The following ARHGAP44 variants were observed in gnomAD, a reference collection of about 807,000 sequenced individuals.
The protein encoded by ARHGAP44 is Rho GTPase activating protein 44, also known as rho GTPase-activating protein 44.
A neutral mutation model predicts 106.8 loss-of-function variants in ARHGAP44; 43 were observed. The ratio of observed to expected loss-of-function variants is 0.40; its 90% CI spans 0.32 to 0.52. The LOEUF (loss-of-function observed/expected upper bound fraction) is 0.52. ARHGAP44 is among the 20% of genes least tolerant of loss of function. ARHGAP44 has a pLI of 0.48. For missense variants in ARHGAP44, 866 were observed against 1,050.5 expected (o/e 0.82, Z 2.43); for synonymous variants, 439 against 410.3 (o/e 1.07, Z -0.85).
chr17:12,967,249 C>CTT (rs57651305), intron 16 of ARHGAP44, among the ~76,000 whole-genome samples: 19 of 93,184 alleles, frequency 2.0e-4, no homozygotes, highest in Admixed American at 3.6e-4. Flanking sequence ...ACTCTTTTTG[C>CTT]TTTTTTTTTT....
In ARHGAP44 at chr17:12,949,511, T is replaced by C; in HGVS notation, c.974-138T>C. ...TGTCAGAGCCTCATACCCATTTCCATAGGAAGCTACCATTTGCTGTTGACA... is the reference window on the plus strand; with the variant it reads ...TGTCAGAGCCTCATACCCATTTCCACAGGAAGCTACCATTTGCTGTTGACA... On this transcript the variant is annotated intron_variant, in intron 11 of 20. Coordinates refer to ENST00000379672, the MANE Select transcript of ARHGAP44 (RefSeq NM_014859.6). This position sits in a 1 kb window ranked among gnomAD's most constrained non-coding sequence, Gnocchi z 4.1. 2.5e-6 allele frequency: 2 copies of C among 803,008 alleles called. No individual in the cohort carries two copies. Among genetic ancestry groups the C allele is most frequent in the East Asian group, 2.6e-5 (1 of 38,424 alleles). 49.7% of individuals were successfully genotyped at this position (803,008 alleles called of 1,614,324 possible).
At chr17:12,935,760 T>C (rs12952110) in intron 7 of ARHGAP44, among the ~76,000 whole-genome samples, 46,462 of 151,946 alleles carry the variant, frequency 0.31, 7,534 homozygotes, top group East Asian at 0.54. Flanking sequence ...GGTGAGCCAA[T>C]GATGTAGAGA....
At chr17:12,831,053 CAG>C (rs1277424597) in intron 1 of ARHGAP44, among the ~76,000 whole-genome samples, 1 of 152,180 alleles carries the variant, frequency 6.6e-6, no homozygotes, top group African/African-American at 2.4e-5. Flanking sequence ...TGAACCCTAA[CAG>C]AAGTTTATTC....
At chr17:12,910,486 T>G (rs1206091282) in intron 4 of ARHGAP44, among the ~76,000 whole-genome samples, 3 of 135,718 alleles carry the variant, frequency 2.2e-5, no homozygotes, top group Non-Finnish European at 3.1e-5. Flanking sequence ...TCTTGCTCTG[T>G]CACCCAGGCT....
At chr17:12,840,649 A>AC (rs200035263) in intron 1 of ARHGAP44, among the ~76,000 whole-genome samples, 13,214 of 152,192 alleles carry the variant, frequency 0.087, 1,137 homozygotes, top group African/African-American at 0.23. Flanking sequence ...GAAGAGGTGC[A>AC]GTTCCTGGGG....
chr17:12,898,136 G>C (rs2037267368), intron 3 of ARHGAP44, among the ~76,000 whole-genome samples: 1 of 152,128 alleles, frequency 6.6e-6, no homozygotes, highest in Non-Finnish European at 1.5e-5. Flanking sequence ...AGGTAAAGGA[G>C]GGGACTGTGG....
At chr17:12,987,093 T>C in intron 20 of ARHGAP44, 1 of 1,534,704 alleles carries the variant, frequency 6.5e-7, no homozygotes, top group Non-Finnish European at 8.7e-7. Flanking sequence ...ATCATTGTGT[T>C]CTTGCAGCTG....
chr17:12,989,976 G>T (rs2040080394), intron 20 of ARHGAP44, 56 bp from the exon 21 acceptor site: 3 of 1,584,104 alleles, frequency 1.9e-6, no homozygotes, highest in East Asian at 2.3e-5. Flanking sequence ...CTACAACTAG[G>T]TTCTCATTTG....
At chr17:12,862,009 G>A (rs1336611656) in intron 1 of ARHGAP44, among the ~76,000 whole-genome samples, 2 of 152,114 alleles carry the variant, frequency 1.3e-5, no homozygotes, top group African/African-American at 2.4e-5. Flanking sequence ...GCTTATCTCA[G>A]TGTCTATCTG....
chr17:12,846,104 A>G (rs575889260), intron 1 of ARHGAP44, among the ~76,000 whole-genome samples: 20 of 152,156 alleles, frequency 1.3e-4, no homozygotes, highest in Admixed American at 7.2e-4. Flanking sequence ...CCAGGAAAAA[A>G]AAAAAATACA....
intron 1 of ARHGAP44, among the ~76,000 whole-genome samples, chr17:12,859,713 G>A (rs372757607): frequency 9.9e-5 from 15 of 152,184 alleles, no homozygotes; most frequent in African/African-American, 3.6e-4. Context: ...AAAAACGATT[G>A]CCAGGAAGGA....
intron 1 of ARHGAP44, among the ~76,000 whole-genome samples, chr17:12,815,627 A>C (rs2034577179): frequency 6.6e-6 from 1 of 152,222 alleles, no homozygotes; most frequent in Non-Finnish European, 1.5e-5. Flanking sequence ...AATCAAAGCA[A>C]GTAAGTGGCA....
intron 1 of ARHGAP44, among the ~76,000 whole-genome samples, chr17:12,888,040 T>G (rs947020486): frequency 5.3e-5 from 8 of 152,094 alleles, no homozygotes; most frequent in Non-Finnish European, 2.9e-5. Flanking sequence ...TAAACTTTAT[T>G]GATCTTTTCA....
intron 13 of ARHGAP44, among the ~76,000 whole-genome samples, chr17:12,953,881 T>C (rs1256375528): frequency 6.6e-6 from 1 of 151,888 alleles, no homozygotes; most frequent in Non-Finnish European, 1.5e-5. Context: ...AGATTATTGT[T>C]TTTTGTTTTG....
chr17:12,881,016 A>G (rs1044275901), intron 1 of ARHGAP44, among the ~76,000 whole-genome samples: 2 of 152,104 alleles, frequency 1.3e-5, no homozygotes, highest in African/African-American at 4.8e-5. Flanking sequence ...TTATATATTC[A>G]GTAATAGTTA....
intron 17 of ARHGAP44, chr17:12,973,846 GCTCC>G: frequency 1.7e-6 from 1 of 582,422 alleles, no homozygotes; most frequent in South Asian, 2.0e-5. Flanking sequence ...ACTGTGCCCT[GCTCC>G]TTGCCTCAGT....
intron 1 of ARHGAP44, among the ~76,000 whole-genome samples, chr17:12,832,470 T>C (rs943803585): frequency 1.3e-5 from 2 of 152,200 alleles, no homozygotes; most frequent in African/African-American, 4.8e-5. Context: ...AGTGATCCTG[T>C]GGCCTCTTAG....
chr17:12,833,422 G>C (rs771955624), intron 1 of ARHGAP44, among the ~76,000 whole-genome samples: 1 of 152,054 alleles, frequency 6.6e-6, no homozygotes. Flanking sequence ...ACTCTTTTCC[G>C]TGTGTTTTGT....
chr17:12,968,081 C>T (rs2039435720), intron 16 of ARHGAP44, among the ~76,000 whole-genome samples: 1 of 152,194 alleles, frequency 6.6e-6, no homozygotes, highest in South Asian at 2.1e-4. Flanking sequence ...AAGCTCAGCA[C>T]ATGGTAAATG....
Sources: gnomAD v4.1 joint callset for allele counts (sites outside exome capture counted in the v4.1 genomes callset) on GRCh38, gnomAD v4.1.1 for gene constraint, Gnocchi (gnomAD v3.1) non-coding constraint, MANE v1.5 for transcripts, NCBI Gene and HGNC (gene_info 2026-07-23, HGNC 2026-07-21) for gene names.